PLXDC2: variants seen among roughly 807,000 people sequenced by gnomAD.
PLXDC2 encodes the protein plexin domain-containing protein 2.
In PLXDC2, 40 loss-of-function variants were observed where a neutral mutation model predicts 68.9. The ratio of observed to expected loss-of-function variants is 0.58; its 90% CI spans 0.45 to 0.76. PLXDC2 has a LOEUF of 0.76. PLXDC2 is among the 30% of genes least tolerant of loss of function. PLXDC2 has a pLI of 0.00. For missense variants in PLXDC2, 644 were observed against 661.9 expected (o/e 0.97, Z 0.30); for synonymous variants, 243 against 234.2 (o/e 1.04, Z -0.34).
intron 13 of PLXDC2, among the ~76,000 whole-genome samples, chr10:20,259,184 G>A (rs1835780614): frequency 6.6e-6 from 1 of 151,976 alleles, no homozygotes; most frequent in Non-Finnish European, 1.5e-5. Context: ...ATTCATCTCA[G>A]CACATAGCAG....
At chr10:19,963,608 G>T (rs1050566298) in intron 1 of PLXDC2, among the ~76,000 whole-genome samples, 1 of 152,106 alleles carries the variant, frequency 6.6e-6, no homozygotes, top group Non-Finnish European at 1.5e-5. Flanking sequence ...AACACCGCAT[G>T]TTCTCACTCA....
chr10:20,063,909 C>A (rs1369012159), intron 3 of PLXDC2, among the ~76,000 whole-genome samples: 1 of 152,126 alleles, frequency 6.6e-6, no homozygotes, highest in African/African-American at 2.4e-5. Flanking sequence ...AGACGTAATA[C>A]TTTTTTTGTT....
chr10:20,162,793 G>A (rs1157096807), intron 6 of PLXDC2, among the ~76,000 whole-genome samples: 1 of 151,828 alleles, frequency 6.6e-6, no homozygotes, highest in Non-Finnish European at 1.5e-5. Context: ...GCCAGGCGCA[G>A]TAGCTCACGC....
At chr10:19,894,992 G>A (rs1445182436) in intron 1 of PLXDC2, among the ~76,000 whole-genome samples, 1 of 152,132 alleles carries the variant, frequency 6.6e-6, no homozygotes, top group Non-Finnish European at 1.5e-5. Context: ...GTTTATTGCG[G>A]CACTGTTCAC....
At chr10:20,012,526 T>G (rs1835138493) in intron 2 of PLXDC2, among the ~76,000 whole-genome samples, 1 of 151,306 alleles carries the variant, frequency 6.6e-6, no homozygotes, top group African/African-American at 2.4e-5. Context: ...GGGTTTTGCC[T>G]TGTTGGCCAG....
chr10:19,938,340 G>A (rs1417814212), intron 1 of PLXDC2, among the ~76,000 whole-genome samples: 2 of 152,106 alleles, frequency 1.3e-5, no homozygotes, highest in Non-Finnish European at 2.9e-5. Flanking sequence ...AAATACCTAA[G>A]ACTGGCTAAT....
intron 1 of PLXDC2, among the ~76,000 whole-genome samples, chr10:19,931,668 T>C (rs1564631943): frequency 6.6e-6 from 1 of 152,114 alleles, no homozygotes; most frequent in Non-Finnish European, 1.5e-5. Context: ...GAGTTCCAGA[T>C]TGAACTTCAC....
Position 19,817,172 on chromosome 10 carries a change from A to C in PLXDC2, c.93A>C (p.Lys31Asn). 6.4e-7 allele frequency: 1 copy of C among 1,571,492 alleles called. No homozygotes were observed. The highest frequency in any genetic ancestry group is 8.7e-7 in the Non-Finnish European group (1 of 1,155,298). ...ACCAGTTTCAGTTCGCCGATGGGAA[A>C]CCCGGAGACCAAATCCTTGGTAAGT... Reference protein sequence around the residue: ...FTDQFQFADGKPGDQILDWQY... With the variant: ...FTDQFQFADGNPGDQILDWQY... The change falls in exon 1 of 14, where the codon AAA (lysine) becomes AAC (asparagine). Residue 31 changes from lysine (K) to asparagine (N), a missense_variant. Around this residue, in one of 3 missense-constraint regions of PLXDC2, gnomAD observed 201 missense variants for 166.9 expected, o/e 1.20. Transcript: ENST00000377252.
At chr10:20,088,261 A>T (rs559348569) in intron 4 of PLXDC2, among the ~76,000 whole-genome samples, 2 of 152,348 alleles carry the variant, frequency 1.3e-5, no homozygotes, top group East Asian at 3.9e-4. Flanking sequence ...CATAGCTACA[A>T]TGAAGGAGCT....
At chr10:19,857,569 C>T (rs186338732) in intron 1 of PLXDC2, among the ~76,000 whole-genome samples, 1 of 152,296 alleles carries the variant, frequency 6.6e-6, no homozygotes, top group Non-Finnish European at 1.5e-5. Flanking sequence ...TGGCAATTGT[C>T]TGAAGGGTTC....
At chr10:19,907,712 A>G (rs1223740546) in intron 1 of PLXDC2, among the ~76,000 whole-genome samples, 1 of 152,226 alleles carries the variant, frequency 6.6e-6, no homozygotes, top group African/African-American at 2.4e-5. Context: ...AGTGCTCTTC[A>G]AATGCTTTTC....
In PLXDC2 at chr10:20,236,545, A is replaced by G. The variant is rs577765518; in HGVS notation, c.1313-8800A>G. ...ATGTTAGGAAAAGTTTAAAAGTTAG[A>G]TGTCATAAAGATCTTGACTGCTGAA... On this transcript the variant is annotated intron_variant, in intron 12 of 13. Transcript: ENST00000377252. Among the ~76,000 whole-genome samples the G allele has an allele frequency of 1.4e-3, 220 of 152,302 alleles. 1 individual carries two copies. Among genetic ancestry groups the G allele is most frequent in the Non-Finnish European group, 2.4e-3 (165 of 68,016 alleles).
chr10:20,068,605 A>T (rs1274263080), intron 4 of PLXDC2, among the ~76,000 whole-genome samples: 1 of 147,896 alleles, frequency 6.8e-6, no homozygotes, highest in Admixed American at 6.8e-5. Flanking sequence ...TATAGTTGCT[A>T]TATATATATT....
chr10:19,964,045 A>C (rs1294131728), intron 1 of PLXDC2, among the ~76,000 whole-genome samples: 1 of 152,198 alleles, frequency 6.6e-6, no homozygotes, highest in Non-Finnish European at 1.5e-5. Flanking sequence ...ACACTTTGCC[A>C]AAACAGCATC....
At chr10:19,938,277 A>C (rs1280213186) in intron 1 of PLXDC2, among the ~76,000 whole-genome samples, 1 of 152,182 alleles carries the variant, frequency 6.6e-6, no homozygotes, top group African/African-American at 2.4e-5. Context: ...ACCTGGTACC[A>C]TAGGAAGATA....
chr10:20,228,386 C>A (rs1179017935), intron 12 of PLXDC2, among the ~76,000 whole-genome samples: 3 of 151,880 alleles, frequency 2.0e-5, no homozygotes, highest in Admixed American at 6.6e-5. Context: ...CACAGGGAAA[C>A]CCTGTCTCTA....
At chr10:20,106,901 C>T (rs952590712) in intron 4 of PLXDC2, among the ~76,000 whole-genome samples, 18 of 151,234 alleles carry the variant, frequency 1.2e-4, no homozygotes, top group Admixed American at 6.6e-5. Context: ...ATGCATATTA[C>T]ATGTAGTATA....
intron 1 of PLXDC2, among the ~76,000 whole-genome samples, chr10:19,869,135 G>A (rs1298887702): frequency 6.6e-6 from 1 of 152,062 alleles, no homozygotes; most frequent in Non-Finnish European, 1.5e-5. Context: ...GGTGGCTCAT[G>A]ACTGTAATCC....
chr10:20,250,038 C>T (rs555797155), intron 13 of PLXDC2, among the ~76,000 whole-genome samples: 6 of 152,080 alleles, frequency 3.9e-5, no homozygotes, highest in South Asian at 2.1e-4. Context: ...GAGGCCAAGG[C>T]GGGCAGATCA....
Sources: allele counts gnomAD v4.1 joint callset (sites outside exome capture counted in the v4.1 genomes callset), GRCh38; gene constraint gnomAD v4.1.1; regional missense constraint gnomAD v4.1.1; transcripts MANE v1.5; gene names NCBI Gene and HGNC (gene_info 2026-07-23, HGNC 2026-07-21).